Variants in AKAP13 observed in about 807,000 individuals in gnomAD.
AKAP13 encodes A-kinase anchoring protein 13, also known as A-kinase anchor protein 13.
A neutral mutation model predicts 264.5 loss-of-function variants in AKAP13; 80 were observed. That is an observed-to-expected ratio of 0.30 (90% CI 0.25 to 0.36). The LOEUF is 0.36. Ranked by LOEUF, AKAP13 falls within the 10% of genes least tolerant of loss-of-function variation. The pLI is 1.00. For missense variants in AKAP13, 3,712 were observed against 3,435.2 expected (o/e 1.08, Z -2.01); for synonymous variants, 1,380 against 1,250.2 (o/e 1.10, Z -2.19).
intron 1 of AKAP13, among the ~76,000 whole-genome samples, chr15:85,447,295 A>G (rs2073934491): frequency 6.6e-6 from 1 of 152,082 alleles, no homozygotes. Context: ...ATCTGTTATT[A>G]TTATTATTTT....
chr15:85,616,027 A>G (rs2080920869), intron 8 of AKAP13, among the ~76,000 whole-genome samples: 1 of 152,190 alleles, frequency 6.6e-6, no homozygotes, highest in Non-Finnish European at 1.5e-5. Context: ...AAAATTGATC[A>G]TTGATGAGTC....
chr15:85,700,225 T>C (rs1196375108), intron 17 of AKAP13, among the ~76,000 whole-genome samples: 1 of 152,238 alleles, frequency 6.6e-6, no homozygotes, highest in Non-Finnish European at 1.5e-5. Context: ...AATAAATTTA[T>C]CAGATAGCAG....
chr15:85,508,256 A>C (rs549627927), intron 2 of AKAP13, among the ~76,000 whole-genome samples: 3 of 150,088 alleles, frequency 2.0e-5, no homozygotes, highest in East Asian at 2.0e-4. Flanking sequence ...CAGTCCTTCT[A>C]CCTCAGCCTC....
intron 1 of AKAP13, chr15:85,381,939 T>A (rs2141820440): frequency 6.6e-6 from 1 of 152,350 alleles, no homozygotes; most frequent in African/African-American, 2.4e-5. Flanking sequence ...AGGTCATTAT[T>A]GGCAAGTTTG....
At chr15:85,467,558 C>G (rs150408401) in intron 1 of AKAP13, among the ~76,000 whole-genome samples, 30 of 152,238 alleles carry the variant, frequency 2.0e-4, no homozygotes, top group African/African-American at 7.0e-4. Flanking sequence ...AGATTGAGAT[C>G]AGATTACCTC....
At chr15:85,480,616 G>A (rs1383451780) in intron 1 of AKAP13, among the ~76,000 whole-genome samples, 1 of 151,998 alleles carries the variant, frequency 6.6e-6, no homozygotes, top group African/African-American at 2.4e-5. Flanking sequence ...TGTAGGTGGT[G>A]GGGGTGGGGG....
chr15:85,585,848 AG>A, intron 8 of AKAP13, 25 bp downstream of exon 8: 1 of 1,611,924 alleles, frequency 6.2e-7, no homozygotes, highest in Non-Finnish European at 8.5e-7. Flanking sequence ...TAAGTCTATA[AG>A]GGCACAAAAT....
At chr15:85,617,441 C>T (rs1008605736) in intron 8 of AKAP13, among the ~76,000 whole-genome samples, 11 of 152,152 alleles carry the variant, frequency 7.2e-5, no homozygotes, top group East Asian at 3.9e-4. Flanking sequence ...ATGGGGGTTT[C>T]GCCATGTTGG....
At chr15:85,736,192 G>A (rs1597223376) in intron 33 of AKAP13, 58 bp downstream of exon 33, 4 of 1,416,780 alleles carry the variant, frequency 2.8e-6, no homozygotes, top group Non-Finnish European at 2.0e-6. Flanking sequence ...GTCAAGTTAG[G>A]AATATTGTTT....
At chr15:85,683,960 T>C (rs1220880420) in intron 15 of AKAP13, among the ~76,000 whole-genome samples, 1 of 152,144 alleles carries the variant, frequency 6.6e-6, no homozygotes, top group Admixed American at 6.5e-5. Context: ...CCTCCTAAAA[T>C]TGAACCTAGC....
rs144108652 is a variant in AKAP13 at position 85,719,522 on chromosome 15, T to C, written c.6252+196T>C. ...AGTAGGGTTTCTCTCCTAATGTTAT[T>C]TTGGAAAGTTAAAGGGAGGGTATAT... On this transcript the variant is annotated intron_variant, in intron 23 of 36. Transcript: ENST00000394518. Among the ~76,000 whole-genome samples the C allele has an allele frequency of 1.7e-3, 266 of 152,326 alleles. 1 individual carries two copies. The highest frequency in any genetic ancestry group is 6.1e-3 in the African/African-American group (254 of 41,572).
rs1474068891 is a variant in AKAP13, at chr15:85,743,539, C to T, written c.8106C>T (p.Pro2702=). Residue 2702 remains proline (P), a synonymous_variant, in exon 36 of 37, where the codon CCC becomes CCT. Transcript: ENST00000394518. Reference sequence around the variant, plus strand: ...TGATGAGGATCCCATCGTTCTTCCCCAGTCCTGAGGAGCCCCCCTCGCCAT... The same window carrying T: ...TGATGAGGATCCCATCGTTCTTCCCTAGTCCTGAGGAGCCCCCCTCGCCAT... ...TKLMRIPSFF[P]SPEEPPSPSA... is the part of the protein sequence containing the mutation. 1.9e-6 allele frequency: 3 copies of T among 1,614,230 alleles called. No homozygotes were observed. Among genetic ancestry groups the T allele is most frequent in the East Asian group, 4.5e-5 (2 of 44,890 alleles).
intron 33 of AKAP13, among the ~76,000 whole-genome samples, chr15:85,737,159 A>G (rs778978195): frequency 8.5e-5 from 13 of 152,078 alleles, no homozygotes; most frequent in African/African-American, 2.2e-4. Context: ...ACCTCAGGCA[A>G]TCTGCCCACC....
At chr15:85,492,363 C>T (rs935724175) in intron 2 of AKAP13, among the ~76,000 whole-genome samples, 10 of 152,224 alleles carry the variant, frequency 6.6e-5, no homozygotes, top group African/African-American at 2.4e-4. Flanking sequence ...GCCTGGGCTA[C>T]AGAGCGAGAC....
At chr15:85,678,293 A>G (rs1175972384) in intron 14 of AKAP13, among the ~76,000 whole-genome samples, 3 of 152,116 alleles carry the variant, frequency 2.0e-5, no homozygotes, top group Non-Finnish European at 4.4e-5. Context: ...ATTCCCTACC[A>G]CTTGCTGATT....
At chr15:85,443,927 A>G (rs946994488) in intron 1 of AKAP13, among the ~76,000 whole-genome samples, 1 of 152,092 alleles carries the variant, frequency 6.6e-6, no homozygotes, top group African/African-American at 2.4e-5. Context: ...GCTTATTCTA[A>G]TCTGTTGTTT....
chr15:85,663,632 C>T (rs1178111477), intron 12 of AKAP13, among the ~76,000 whole-genome samples: 2 of 152,078 alleles, frequency 1.3e-5, no homozygotes, highest in African/African-American at 4.8e-5. Context: ...TCATTGTTAG[C>T]GGAGAACATG....
chr15:85,495,590 T>G (rs891168461), intron 2 of AKAP13, among the ~76,000 whole-genome samples: 1 of 152,210 alleles, frequency 6.6e-6, no homozygotes, highest in Non-Finnish European at 1.5e-5. Context: ...AAACACTTTT[T>G]AAAGCCAGTG....
chr15:85,688,025 GT>G (rs144898150), intron 16 of AKAP13, among the ~76,000 whole-genome samples: 27,675 of 102,770 alleles, frequency 0.27, 3,446 homozygotes, highest in Middle Eastern at 0.48. Flanking sequence ...GCAAGACCCT[GT>G]CTCTTAAAAA....
Sources: allele counts gnomAD v4.1 joint callset (sites outside exome capture counted in the v4.1 genomes callset), GRCh38; gene constraint gnomAD v4.1.1; transcripts MANE v1.5; gene names NCBI Gene and HGNC (gene_info 2026-07-23, HGNC 2026-07-21).